USP45: variants seen among roughly 807,000 people sequenced by gnomAD.
USP45 encodes ubiquitin specific peptidase 45.
USP45 carries 89 observed loss-of-function variants against 95.8 expected under a neutral mutation model. That is an observed-to-expected ratio of 0.93 (90% CI 0.78 to 1.11). The LOEUF is 1.11. Ranked by LOEUF, USP45 falls within the 50% of genes least tolerant of loss-of-function variation. USP45 has a pLI of 0.00. For synonymous variants in USP45, 281 were observed against 316.2 expected, an observed-to-expected ratio of 0.89 and a Z score of 1.18; for missense variants, 898 against 942.5, an observed-to-expected ratio of 0.95 and a Z score of 0.62.
At position 99,446,009 on chromosome 6, in the gene USP45, C is replaced by T. The variant is rs1782472270; in HGVS notation, c.1763G>A (p.Cys588Tyr). ...CCTCAAATGCTTCCCCTCTAAAAAA[C>T]ATAAATTATTTGAAATATTTAGTGG... ...NQPLNISNNLCFLEGKHLRSY... is the reference protein window; with the variant it reads ...NQPLNISNNLYFLEGKHLRSY... Residue 588 changes from cysteine to tyrosine, a missense_variant, in exon 14 of 18, where the codon TGT (cysteine) becomes TAT (tyrosine). Coordinates refer to ENST00000500704, the MANE Select transcript of USP45 (RefSeq NM_001346022.3). The T allele has an allele frequency of 6.2e-7, 1 of 1,613,872 alleles. No individual in the cohort carries two copies. The highest frequency in any genetic ancestry group is 8.5e-7 in the Non-Finnish European group (1 of 1,179,990).
intron 7 of USP45, 77 bp downstream of exon 7, chr6:99,488,123 G>T: frequency 1.1e-6 from 1 of 933,258 alleles, no homozygotes; most frequent in Non-Finnish European, 1.7e-6. Flanking sequence ...TGACTGATCT[G>T]CGAATTAGGA....
At chr6:99,484,612 A>T (rs1220833605) in intron 7 of USP45, among the ~76,000 whole-genome samples, 1 of 152,058 alleles carries the variant, frequency 6.6e-6, no homozygotes, top group Non-Finnish European at 1.5e-5. Context: ...CGCTTGGGCA[A>T]CATAGGGAGA....
intron 1 of USP45, among the ~76,000 whole-genome samples, chr6:99,511,845 G>GTATATA (rs751350306): frequency 0.035 from 788 of 22,272 alleles, 9 homozygotes; most frequent in Non-Finnish European, 0.038. Context: ...GTGAGTGTGT[G>GTATATA]TATATATATA....
intron 13 of USP45, among the ~76,000 whole-genome samples, chr6:99,450,317 A>C (rs1265698298): frequency 6.6e-6 from 1 of 152,162 alleles, no homozygotes; most frequent in Non-Finnish European, 1.5e-5. Context: ...AGAGAGAAGA[A>C]TCAAATAGGC....
intron 11 of USP45, 97 bp downstream of exon 11, chr6:99,466,575 T>TA: frequency 9.7e-7 from 1 of 1,026,422 alleles, no homozygotes; most frequent in Non-Finnish European, 1.5e-6. Flanking sequence ...TGTCAAATTT[T>TA]AAAAATGACT....
chr6:99,495,533 G>A (rs1796110092), intron 5 of USP45, among the ~76,000 whole-genome samples: 1 of 152,208 alleles, frequency 6.6e-6, no homozygotes, highest in African/African-American at 2.4e-5. Context: ...TTTCAAAGAT[G>A]AAACTGAGGT....
At chr6:99,468,257 T>C (rs1788469707) in intron 10 of USP45, 1 of 497,514 alleles carries the variant, frequency 2.0e-6, no homozygotes. Context: ...TGGTTGCTAC[T>C]TTCAACAACC....
At chr6:99,436,338 G>A (rs1780475472) in intron 17 of USP45, among the ~76,000 whole-genome samples, 1 of 152,058 alleles carries the variant, frequency 6.6e-6, no homozygotes, top group Non-Finnish European at 1.5e-5. Flanking sequence ...GATCACTTGA[G>A]GTCAGGAGTT....
At chr6:99,459,237 T>C (rs1357773816) in intron 13 of USP45, among the ~76,000 whole-genome samples, 1 of 152,144 alleles carries the variant, frequency 6.6e-6, no homozygotes, top group Non-Finnish European at 1.5e-5. Context: ...ACTTGTGGTA[T>C]TTGGTTTTCT....
rs370983012 is a variant in USP45 at position 99,514,870 on chromosome 6, C to G, written c.-11+522G>C. 102 of 152,280 alleles carry G rather than the reference C, an allele frequency of 6.7e-4. 1 individual carries two copies. Among genetic ancestry groups the G allele is most frequent in the African/African-American group, 2.3e-3 (97 of 41,546 alleles). The allele number at this position is 152,280 out of a possible 1,614,324, so 9.4% of individuals were successfully genotyped here. On this transcript the variant is annotated intron_variant, in intron 1 of 17. Coordinates refer to ENST00000500704, the MANE Select transcript of USP45 (RefSeq NM_001346022.3). Reference sequence around the variant, plus strand: ...CACAACCACCTTAGGAGATAAGTTGCTATTATTTTCCGCATTTTACACTTG... The same window carrying G: ...CACAACCACCTTAGGAGATAAGTTGGTATTATTTTCCGCATTTTACACTTG...
chr6:99,446,067 T>C lies in USP45; in HGVS notation c.1705A>G (p.Thr569Ala). 1 of 1,614,064 alleles carries C rather than the reference T, an allele frequency of 6.2e-7. No homozygotes were observed. The highest frequency in any genetic ancestry group is 8.5e-7 in the Non-Finnish European group (1 of 1,180,038). The change falls in exon 14 of 18, where the codon ACT becomes GCT. Residue 569 changes from threonine (T) to alanine (A), a missense_variant. Physicochemically the swap from Thr to Ala is moderately conservative, Grantham distance 58 (BLOSUM62 0). Transcript: ENST00000500704. ...TCTCTGTCAAAATCTTGATCTCCAG[T>C]TACAGTGCTGCTCAAACGAAGTTCA... ...ISELRLSSTV[T>A]GDQDFDRENQ...
chr6:99,509,447 C>T (rs1799279981), intron 2 of USP45, among the ~76,000 whole-genome samples: 1 of 151,792 alleles, frequency 6.6e-6, no homozygotes, highest in Non-Finnish European at 1.5e-5. Flanking sequence ...ACTATGCATA[C>T]CTAAAATGGA....
chr6:99,498,135 G>A (rs1796691203), intron 5 of USP45, among the ~76,000 whole-genome samples: 1 of 152,080 alleles, frequency 6.6e-6, no homozygotes, highest in South Asian at 2.1e-4. Context: ...GTAATGACAG[G>A]AACTAGAAGT....
At chr6:99,437,848 G>A (rs963476141) in intron 16 of USP45, among the ~76,000 whole-genome samples, 3 of 152,152 alleles carry the variant, frequency 2.0e-5, no homozygotes, top group East Asian at 3.9e-4. Flanking sequence ...AGTAGAAACA[G>A]GGTTTTACCT....
rs551114286 is a variant in USP45, at chr6:99,452,277, T to C, written c.1309-5814A>G. Among the ~76,000 whole-genome samples the C allele has an allele frequency of 1.2e-4, 18 of 152,160 alleles. No individual in the cohort carries two copies. In the South Asian group the frequency reaches 3.7e-3, roughly 32 times the overall value. On this transcript the variant is annotated intron_variant, in intron 13 of 17. Coordinates refer to ENST00000500704, the MANE Select transcript of USP45 (RefSeq NM_001346022.3). ...AATGGGAGAAAATTTTGCAACCTAC[T>C]CATGTGACAAAGGGCAAATATCCAG... is the stretch of plus-strand genomic sequence containing the variant.
At chr6:99,439,226 C>T (rs1309859531) in intron 16 of USP45, among the ~76,000 whole-genome samples, 1 of 152,158 alleles carries the variant, frequency 6.6e-6, no homozygotes, top group Admixed American at 6.5e-5. Flanking sequence ...ACCAAGTCAT[C>T]TACTTCATCT....
At chr6:99,517,443 G>GTT (rs201818477), upstream of USP45, among the ~76,000 whole-genome samples, 1 of 148,302 alleles carries the variant, frequency 6.7e-6, no homozygotes, top group Non-Finnish European at 1.5e-5. Context: ...TCCTTTTTTT[G>GTT]TTTTTTTTTG....
At chr6:99,450,967 T>A (rs1431501278) in intron 13 of USP45, among the ~76,000 whole-genome samples, 1 of 152,210 alleles carries the variant, frequency 6.6e-6, no homozygotes, top group African/African-American at 2.4e-5. Context: ...AGAAAAGGCC[T>A]TTGACAAAAT....
At chr6:99,509,847 G>T (rs1327763530) in intron 2 of USP45, among the ~76,000 whole-genome samples, 1 of 152,012 alleles carries the variant, frequency 6.6e-6, no homozygotes, top group East Asian at 1.9e-4. Flanking sequence ...AGGGAGGTGG[G>T]GTGGGGTAGT....
Sources: allele counts gnomAD v4.1 joint callset (sites outside exome capture counted in the v4.1 genomes callset), GRCh38; gene constraint gnomAD v4.1.1; transcripts MANE v1.5; gene names NCBI Gene and HGNC (gene_info 2026-07-23, HGNC 2026-07-21).